The following PAN3 variants were observed in gnomAD, a reference collection of about 807,000 sequenced individuals.
PAN3 encodes poly(A) specific ribonuclease subunit PAN3.
PAN3 carries 19 observed loss-of-function variants against 96.2 expected under a neutral mutation model. The ratio of observed to expected loss-of-function variants is 0.20; its 90% CI spans 0.14 to 0.29. The LOEUF is 0.29. PAN3 is among the 10% of genes least tolerant of loss of function. The pLI is 1.00. For missense variants in PAN3, 882 were observed against 1,108.1 expected (o/e 0.80, Z 2.90); for synonymous variants, 433 against 406.6 (o/e 1.06, Z -0.78).
At chr13:28,171,131 A>G (rs1874251169) in intron 1 of PAN3, among the ~76,000 whole-genome samples, 1 of 152,152 alleles carries the variant, frequency 6.6e-6, no homozygotes, top group Non-Finnish European at 1.5e-5. Flanking sequence ...ATGACCCAAA[A>G]TTGTTAACAT....
intron 5 of PAN3, among the ~76,000 whole-genome samples, chr13:28,202,342 CT>C (rs1162475596): frequency 6.6e-6 from 1 of 152,172 alleles, no homozygotes; most frequent in Admixed American, 6.5e-5. Flanking sequence ...TATCTTACCC[CT>C]CTTCCCTTTT....
intron 12 of PAN3, among the ~76,000 whole-genome samples, chr13:28,268,110 A>C (rs1467804011): frequency 1.3e-5 from 2 of 152,194 alleles, no homozygotes. Flanking sequence ...AAAATTCAAT[A>C]GCTTAGAAAT....
intron 1 of PAN3, among the ~76,000 whole-genome samples, chr13:28,142,718 T>C (rs1870033033): frequency 1.3e-5 from 2 of 152,150 alleles, no homozygotes; most frequent in Non-Finnish European, 2.9e-5. Flanking sequence ...TGGGTTTTGA[T>C]TGAATCATTT....
At chr13:28,290,682 CAAAAAAA>C (rs1349888888) in intron 18 of PAN3, among the ~76,000 whole-genome samples, 1 of 150,738 alleles carries the variant, frequency 6.6e-6, no homozygotes, top group Non-Finnish European at 1.5e-5. Flanking sequence ...AACTCTGTAT[CAAAAAAA>C]GAAAAAAGAC....
At chr13:28,155,824 C>T (rs1281962481) in intron 1 of PAN3, among the ~76,000 whole-genome samples, 2 of 151,846 alleles carry the variant, frequency 1.3e-5, no homozygotes, top group African/African-American at 4.8e-5. Context: ...GGCATACATA[C>T]CTGGTAGAAA....
chr13:28,139,037 C>A lies in PAN3; in HGVS notation c.380C>A (p.Ala127Glu), dbSNP rs976285409. ...PDLGDPGTGA[A>E]AGGGGSSGGL... ...CTGGGGGACCCGGGGACCGGAGCCG[C>A]AGCCGGCGGAGGAGGCAGTAGCGGG... The change falls in exon 1 of 19, where the codon GCA becomes GAA. Residue 127 changes from alanine to glutamate, a missense_variant. Transcript: ENST00000380958. 1.6e-6 allele frequency: 2 copies of A among 1,275,134 alleles called. No homozygotes were observed. Among genetic ancestry groups the A allele is most frequent in the African/African-American group, 1.6e-5 (1 of 64,408 alleles). 79.0% of individuals were successfully genotyped at this position (1,275,134 alleles called of 1,614,324 possible).
intron 18 of PAN3, among the ~76,000 whole-genome samples, chr13:28,288,445 A>G (rs952020041): frequency 1.2e-4 from 18 of 152,136 alleles, no homozygotes; most frequent in African/African-American, 4.1e-4. Flanking sequence ...GATTACAGGC[A>G]CCCATCACCA....
intron 6 of PAN3, among the ~76,000 whole-genome samples, chr13:28,242,240 A>G (rs139464120): frequency 1.3e-5 from 2 of 152,240 alleles, no homozygotes; most frequent in East Asian, 1.9e-4. Context: ...CTGCCCCCAG[A>G]TTTTTGTTAT....
chr13:28,141,538 G>C (rs1869839738), intron 1 of PAN3, among the ~76,000 whole-genome samples: 1 of 143,076 alleles, frequency 7.0e-6, no homozygotes, highest in South Asian at 2.2e-4. Flanking sequence ...AGTGATCTCG[G>C]CTCACCGCAA....
rs759736683 is a variant in PAN3 at position 28,141,462 on chromosome 13, C to CTTT, written c.430+2395_430+2397dup. On this transcript the variant is annotated intron_variant, in intron 1 of 18. Coordinates refer to ENST00000380958, the MANE Select transcript of PAN3 (RefSeq NM_175854.8). ...TCTAGGATTTTCTTTTTCTTTTTTT[C>CTTT]TTTTTTTTTTTTTTTTTTTTTTGAG... 6.6e-3 allele frequency among the ~76,000 whole-genome samples: 592 copies of CTTT among 90,286 alleles called. 3 individuals are homozygous for CTTT. The highest frequency in any genetic ancestry group is 0.014 in the Middle Eastern group (1 of 72). The allele number at this position is 90,286 out of a possible 152,430, so 59.2% of individuals were successfully genotyped here. A position where few individuals can be genotyped will look rare whatever the true frequency, so the allele number is the denominator to read the frequency against.
chr13:28,156,342 C>T (rs1872161414), intron 1 of PAN3, among the ~76,000 whole-genome samples: 1 of 151,958 alleles, frequency 6.6e-6, no homozygotes, highest in East Asian at 1.9e-4. Context: ...AATATACCTC[C>T]TAAGATTGAA....
intron 12 of PAN3, among the ~76,000 whole-genome samples, chr13:28,270,055 G>C (rs1886485542): frequency 6.6e-6 from 1 of 152,088 alleles, no homozygotes; most frequent in East Asian, 1.9e-4. Flanking sequence ...TAGCAAAAGT[G>C]TCTCTACAAA....
At chr13:28,237,133 G>T (rs894067460) in intron 6 of PAN3, among the ~76,000 whole-genome samples, 1 of 152,010 alleles carries the variant, frequency 6.6e-6, no homozygotes, top group Non-Finnish European at 1.5e-5. Flanking sequence ...TTAGGCCAGT[G>T]AAAACATTAG....
At chr13:28,140,269 T>G (rs1869531574) in intron 1 of PAN3, among the ~76,000 whole-genome samples, 1 of 152,192 alleles carries the variant, frequency 6.6e-6, no homozygotes, top group Non-Finnish European at 1.5e-5. Flanking sequence ...TACAATTGAA[T>G]GTGAGCGTAA....
At chr13:28,157,440 G>T (rs1872339458) in intron 1 of PAN3, among the ~76,000 whole-genome samples, 1 of 152,150 alleles carries the variant, frequency 6.6e-6, no homozygotes, top group South Asian at 2.1e-4. Flanking sequence ...TATATGATAT[G>T]ATTTTATACC....
At chr13:28,209,386 A>G (rs1441160419) in intron 5 of PAN3, among the ~76,000 whole-genome samples, 2 of 152,230 alleles carry the variant, frequency 1.3e-5, no homozygotes, top group Non-Finnish European at 2.9e-5. Flanking sequence ...ATTCCCTCTC[A>G]GGCATAAGGA....
At chr13:28,170,486 T>C (rs1356307737) in intron 1 of PAN3, among the ~76,000 whole-genome samples, 1 of 152,224 alleles carries the variant, frequency 6.6e-6, no homozygotes, top group Admixed American at 6.5e-5. Context: ...CAATAATTGT[T>C]CTATTGGCTT....
chr13:28,159,835 G>A (rs1456387894), intron 1 of PAN3, among the ~76,000 whole-genome samples: 4 of 151,960 alleles, frequency 2.6e-5, no homozygotes, highest in Admixed American at 6.6e-5. Context: ...TTATCTGGGT[G>A]ACAAAATAAT....
intron 4 of PAN3, among the ~76,000 whole-genome samples, chr13:28,193,296 C>T (rs980773103): frequency 8.5e-5 from 13 of 152,102 alleles, no homozygotes; most frequent in Non-Finnish European, 1.9e-4. Context: ...GTTTAGAGAT[C>T]TCTTCTACCT....
Sources: allele counts gnomAD v4.1 joint callset (sites outside exome capture counted in the v4.1 genomes callset), GRCh38; gene constraint gnomAD v4.1.1; transcripts MANE v1.5; gene names NCBI Gene and HGNC (gene_info 2026-07-23, HGNC 2026-07-21).